UNC80: variants seen among roughly 807,000 people sequenced by gnomAD.
UNC80 encodes protein unc-80 homolog.
In UNC80, 164 loss-of-function variants were observed where a neutral mutation model predicts 384.6. That is an observed-to-expected ratio of 0.43 (90% confidence interval 0.38 to 0.49). The LOEUF is 0.49. UNC80 is among the 20% of genes least tolerant of loss of function. The pLI, the probability that UNC80 is intolerant of heterozygous loss-of-function variation, is 0.00. For synonymous variants in UNC80, 1,486 were observed against 1,527.8 expected, an observed-to-expected ratio of 0.97 and a Z score of 0.64; for missense variants, 3,330 against 4,143.0, an observed-to-expected ratio of 0.80 and a Z score of 5.39.
intron 47 of UNC80, among the ~76,000 whole-genome samples, chr2:209,951,992 C>G (rs560039018): frequency 6.6e-6 from 1 of 152,192 alleles, no homozygotes; most frequent in East Asian, 1.9e-4. Flanking sequence ...TAACACTTAC[C>G]TTTCAGGTTT....
intron 37 of UNC80, 38 bp downstream of exon 37, chr2:209,930,009 A>G: frequency 7.2e-7 from 1 of 1,385,302 alleles, no homozygotes; most frequent in Non-Finnish European, 9.7e-7. Flanking sequence ...CTCTGTGGCT[A>G]CAAGTGTGAA....
At chr2:209,802,770 C>T (rs2078644985) in intron 7 of UNC80, among the ~76,000 whole-genome samples, 1 of 152,152 alleles carries the variant, frequency 6.6e-6, no homozygotes, top group South Asian at 2.1e-4. Context: ...CAGGGTCTTA[C>T]CAAGCTGAAA....
Position 209,917,778 on chromosome 2 carries a change from T to C in UNC80, c.5031T>C (p.Ala1677=). 3 of 1,552,038 alleles carry C rather than the reference T, an allele frequency of 1.9e-6. No homozygotes were observed. Among genetic ancestry groups the C allele is most frequent in the South Asian group, 1.2e-5 (1 of 84,042 alleles). The change falls in exon 32 of 65, where the codon GCT becomes GCC. Residue 1677 remains alanine, a splice_region_variant and synonymous_variant. Coordinates refer to ENST00000673920, the MANE Select transcript of UNC80 (RefSeq NM_001371986.1). The part of the protein sequence containing the change: ...SMDEHMAGAA[A]AMFLLCAVKV... ...TGATGAATTGTTGACTGTCTCTAGC[T>C]GCCATGTTCCTGCTGTGTGCAGTGA...
intron 42 of UNC80, among the ~76,000 whole-genome samples, 195 bp downstream of exon 42, chr2:209,937,825 A>T (rs1009240906): frequency 6.6e-6 from 1 of 152,242 alleles, no homozygotes; most frequent in Non-Finnish European, 1.5e-5. Context: ...AAAGGTAGTA[A>T]GAAACACTCA....
At chr2:209,993,490 A>C in intron 63 of UNC80, 64 bp downstream of exon 63, 1 of 1,442,800 alleles carries the variant, frequency 6.9e-7, no homozygotes, top group Non-Finnish European at 9.5e-7. Context: ...TCACCCAGGA[A>C]GGCTTACAAA....
chr2:209,956,624 C>G (rs906217258), intron 48 of UNC80, among the ~76,000 whole-genome samples: 8 of 151,810 alleles, frequency 5.3e-5, no homozygotes, highest in African/African-American at 1.7e-4. Context: ...TACATGTGCA[C>G]ATTGTGCAGG....
rs200723471 is a variant in UNC80, at chr2:209,995,508, G to C, written c.9888G>C (p.Met3296Ile). The change falls in exon 65 of 65, where the codon ATG becomes ATC. Residue 3296 changes from methionine to isoleucine, a missense_variant. Physicochemically the swap from Met to Ile is conservative, Grantham distance 10. Around this residue, in one of 8 missense-constraint regions of UNC80, gnomAD observed 236 missense variants for 254.9 expected, o/e 0.93. Coordinates refer to ENST00000673920, the MANE Select transcript of UNC80 (RefSeq NM_001371986.1). ...TTCATATCAGTGAGGAAAATGGCATGGAGAACCCGCTACTATCTAGTCAGT... is the reference window on the plus strand; with the variant it reads ...TTCATATCAGTGAGGAAAATGGCATCGAGAACCCGCTACTATCTAGTCAGT... ...TVLHISEENG[M>I]ENPLLSSQFT... 3.6e-4 allele frequency: 563 copies of C among 1,551,764 alleles called. No homozygotes were observed. The highest frequency in any genetic ancestry group is 4.5e-4 in the Non-Finnish European group (520 of 1,147,050).
chr2:209,817,171 T>A (rs1559138904), intron 10 of UNC80, 46 bp downstream of exon 10: 1 of 1,511,480 alleles, frequency 6.6e-7, no homozygotes, highest in Non-Finnish European at 9.0e-7. Context: ...AAGTGACCTG[T>A]TTAGAACTGG....
In UNC80 at chr2:209,842,200, G is replaced by A. The variant is rs552929249; in HGVS notation, c.3358-150G>A. 2.0e-5 allele frequency: 12 copies of A among 591,878 alleles called. No homozygotes were observed. In the Admixed American group the frequency reaches 2.4e-4, roughly 12 times the overall value. The allele number at this position is 591,878 out of a possible 1,614,324, so 36.7% of individuals were successfully genotyped here. A position where few individuals can be genotyped will look rare whatever the true frequency, so the allele number is the denominator to read the frequency against. On this transcript the variant is annotated intron_variant, in intron 20 of 64. Coordinates refer to ENST00000673920, the MANE Select transcript of UNC80 (RefSeq NM_001371986.1). ...GCACATGGGAATGAACTACACTGAT[G>A]ACCAAACTAACCAGATGTGGAAGCC... is the stretch of plus-strand genomic sequence containing the variant.
chr2:209,918,599 T>C lies in UNC80; in HGVS notation c.5279T>C (p.Phe1760Ser). 6.4e-7 allele frequency: 1 copy of C among 1,552,112 alleles called. No homozygotes were observed. Among genetic ancestry groups the C allele is most frequent in the Non-Finnish European group, 8.7e-7 (1 of 1,147,066 alleles). Residue 1760 changes from phenylalanine (F) to serine (S), a missense_variant, in exon 33 of 65, where the codon TTT (phenylalanine) becomes TCT (serine). Transcript: ENST00000673920. ...PVLGMPSVPM[F>S]DPPWVPQCSG... ...CTTGGAATGCCATCCGTCCCAATGT[T>C]TGACCCACCGTGGGTTCCTCAGTGC...
intron 7 of UNC80, among the ~76,000 whole-genome samples, chr2:209,808,510 C>T (rs1406945698): frequency 1.4e-5 from 2 of 143,248 alleles, no homozygotes; most frequent in African/African-American, 2.7e-5. Context: ...TGTAGTGAGC[C>T]GATATCGCGC....
rs748979764 is a variant in UNC80 at position 209,888,304 on chromosome 2, T to A, written c.4276+44T>A. 2.5e-5 allele frequency: 39 copies of A among 1,545,248 alleles called. No individual in the cohort carries two copies. In the South Asian group the frequency reaches 4.0e-4, roughly 16 times the overall value. ...TCCTTCATGTTTCAGGGTTTCTTGT[T>A]TCTCATAGGATATTTGCACTAGGGT... is the stretch of plus-strand genomic sequence containing the variant. On this transcript the variant is annotated intron_variant, in intron 26 of 64. Coordinates refer to ENST00000673920, the MANE Select transcript of UNC80 (RefSeq NM_001371986.1).
chr2:209,792,639 G>A (rs6719676), intron 6 of UNC80, among the ~76,000 whole-genome samples: 42,187 of 152,062 alleles, frequency 0.28, 6,260 homozygotes, highest in Non-Finnish European at 0.33. Context: ...GAGCCACCGC[G>A]CCCGGTTCCA....
intron 22 of UNC80, among the ~76,000 whole-genome samples, chr2:209,861,606 A>G (rs1293822440): frequency 2.0e-5 from 3 of 152,212 alleles, no homozygotes; most frequent in African/African-American, 7.2e-5. Context: ...TTCAGAAGAA[A>G]TGGTACCAGC....
At position 209,839,903 on chromosome 2, in the gene UNC80, G is replaced by C. The variant is rs555535273; in HGVS notation, c.3250+473G>C. ...CTCCGGGATACTTGGGAGAAGGAAGGAGAGCACTCCAGGTAGCCATTATTT... is the reference window on the plus strand; with the variant it reads ...CTCCGGGATACTTGGGAGAAGGAAGCAGAGCACTCCAGGTAGCCATTATTT... On this transcript the variant is annotated intron_variant, in intron 19 of 64. Coordinates refer to ENST00000673920, the MANE Select transcript of UNC80 (RefSeq NM_001371986.1). This position sits in a 1 kb window ranked among gnomAD's most constrained non-coding sequence, Gnocchi z 4.1. Among the ~76,000 whole-genome samples, 7 of 152,282 alleles carry C rather than the reference G, an allele frequency of 4.6e-5. No homozygotes were observed. The highest frequency in any genetic ancestry group is 3.9e-4 in the Admixed American group (6 of 15,302).
In UNC80 at chr2:209,894,172, G is replaced by A. The variant is rs1574920107; in HGVS notation, c.4286G>A (p.Arg1429Lys). ...AGVEEKKVPS[R>K]KIRIGGSRLL... Reference sequence around the variant, plus strand: ...TATTCTTTTAATACAGTTCCCAGCAGGAAGATCAGGATAGGAGGTTCTCGC... The same window carrying A: ...TATTCTTTTAATACAGTTCCCAGCAAGAAGATCAGGATAGGAGGTTCTCGC... The change falls in exon 27 of 65, where the codon AGG (arginine) becomes AAG (lysine). Residue 1429 changes from arginine (R) to lysine (K), a missense_variant. Arg to Lys is a conservative substitution (Grantham distance 26, BLOSUM62 2). This residue lies in a region of UNC80 where 801 missense variants were observed against 950.8 expected (regional missense o/e 0.84). Transcript: ENST00000673920. 1.0e-6 allele frequency: 1 copy of A among 985,400 alleles called. No homozygotes were observed. Among genetic ancestry groups the A allele is most frequent in the South Asian group, 4.7e-5 (1 of 21,284 alleles). 61.0% of individuals were successfully genotyped at this position (985,400 alleles called of 1,614,324 possible).
chr2:209,959,234 T>C, intron 50 of UNC80, 80 bp downstream of exon 50: 1 of 1,465,290 alleles, frequency 6.8e-7, no homozygotes, highest in Admixed American at 2.0e-5. Flanking sequence ...TATGGCTCTA[T>C]TAGATTTCAT....
chr2:209,919,217 C>G (rs1261635144), intron 33 of UNC80, among the ~76,000 whole-genome samples: 1 of 152,124 alleles, frequency 6.6e-6, no homozygotes, highest in Admixed American at 6.5e-5. Flanking sequence ...AGAATATGCA[C>G]CTTTTGAAAA....
chr2:209,885,233 A>T (rs923218785), intron 25 of UNC80, among the ~76,000 whole-genome samples: 1 of 152,124 alleles, frequency 6.6e-6, no homozygotes, highest in African/African-American at 2.4e-5. Context: ...GGTGGGGATG[A>T]AGGTGATACA....
Sources: allele counts gnomAD v4.1 joint callset (sites outside exome capture counted in the v4.1 genomes callset), GRCh38; gene constraint gnomAD v4.1.1; regional missense constraint gnomAD v4.1.1; non-coding constraint Gnocchi (gnomAD v3.1); transcripts MANE v1.5; gene names NCBI Gene and HGNC (gene_info 2026-07-23, HGNC 2026-07-21).